The following BNC2 variants were observed in gnomAD, a reference collection of about 807,000 sequenced individuals.
The protein encoded by BNC2 is basonuclin zinc finger protein 2.
A neutral mutation model predicts 76.3 loss-of-function variants in BNC2; 20 were observed. The observed-to-expected ratio is 0.26, with a 90% CI of 0.18 to 0.38. BNC2 has a LOEUF of 0.38. Among genes scored for constraint, BNC2 ranks in the 10% least tolerant of loss-of-function variants. The pLI is 1.00. For synonymous variants in BNC2, 582 were observed against 514.8 expected (o/e 1.13, Z -1.77); for missense variants, 1,382 against 1,399.8 (o/e 0.99, Z 0.20).
intron 1 of BNC2, among the ~76,000 whole-genome samples, chr9:16,862,823 G>C (rs1220459131): frequency 6.6e-6 from 1 of 151,974 alleles, no homozygotes; most frequent in African/African-American, 2.4e-5. Context: ...TTAGAAAAAG[G>C]AATGTTAAGA....
intron 1 of BNC2, among the ~76,000 whole-genome samples, chr9:16,799,651 G>A (rs1397263595): frequency 6.6e-6 from 1 of 152,056 alleles, no homozygotes; most frequent in South Asian, 2.1e-4. Flanking sequence ...TGTATTTACA[G>A]AACTAACTCA....
chr9:16,502,725 C>T (rs1587105278), intron 5 of BNC2, among the ~76,000 whole-genome samples: 1 of 152,140 alleles, frequency 6.6e-6, no homozygotes, highest in Non-Finnish European at 1.5e-5. Context: ...GAAAATCATA[C>T]TTTACATAAA....
intron 3 of BNC2, among the ~76,000 whole-genome samples, chr9:16,623,262 C>T (rs1302709314): frequency 6.6e-6 from 1 of 152,044 alleles, no homozygotes; most frequent in African/African-American, 2.4e-5. Context: ...GCATACAAGA[C>T]TCAGGACTTA....
chr9:16,777,083 G>A (rs545046131), intron 1 of BNC2, among the ~76,000 whole-genome samples: 75 of 151,678 alleles, frequency 4.9e-4, no homozygotes, highest in African/African-American at 1.7e-3. Context: ...CCGAGATGGC[G>A]CCACTACACT....
chr9:16,428,326 G>A (rs1324015086), intron 6 of BNC2, among the ~76,000 whole-genome samples: 3 of 152,134 alleles, frequency 2.0e-5, no homozygotes, highest in African/African-American at 7.2e-5. Context: ...CCCCTCCACT[G>A]CCCATCAGAC....
At chr9:16,460,583 G>A (rs1423608338) in intron 5 of BNC2, among the ~76,000 whole-genome samples, 2 of 152,052 alleles carry the variant, frequency 1.3e-5, no homozygotes, top group Admixed American at 1.3e-4. Flanking sequence ...AGATCATGCC[G>A]CTGCACTCTA....
intron 1 of BNC2, among the ~76,000 whole-genome samples, chr9:16,791,130 C>T (rs1817494735): frequency 6.6e-6 from 1 of 151,886 alleles, no homozygotes; most frequent in South Asian, 2.1e-4. Context: ...GGCATGATCT[C>T]GGCTCACTGT....
At chr9:16,787,325 G>A (rs1021590142) in intron 1 of BNC2, among the ~76,000 whole-genome samples, 3 of 152,144 alleles carry the variant, frequency 2.0e-5, no homozygotes, top group African/African-American at 7.2e-5. Context: ...AATGAAGAAC[G>A]GGGAAACAAA....
chr9:16,464,111 A>T (rs867038887), intron 5 of BNC2, among the ~76,000 whole-genome samples: 1 of 151,832 alleles, frequency 6.6e-6, no homozygotes, highest in African/African-American at 2.4e-5. Context: ...AAAAAAAAAA[A>T]AAGAAAGAAG....
In BNC2 at chr9:16,832,783, T is replaced by C. The variant is rs559368476; in HGVS notation, c.3+37863A>G. On this transcript the variant is annotated intron_variant, in intron 1 of 6. Transcript: ENST00000380672. ...GCTCTGTCACCAGGCCGGAGTGCAG[T>C]GGCGCGATCTCGGCTTACTGCAACC... Among the ~76,000 whole-genome samples the C allele has an allele frequency of 3.3e-5, 5 of 152,126 alleles. 1 individual carries two copies. In the South Asian group the frequency reaches 8.3e-4, roughly 25 times the overall value.
At chr9:16,806,546 G>A (rs957724723) in intron 1 of BNC2, among the ~76,000 whole-genome samples, 3 of 152,170 alleles carry the variant, frequency 2.0e-5, no homozygotes, top group African/African-American at 7.2e-5. Flanking sequence ...CATAAGTAAA[G>A]TGTTGCTTTT....
chr9:16,422,855 C>G (rs1340330515), intron 6 of BNC2, among the ~76,000 whole-genome samples: 1 of 152,166 alleles, frequency 6.6e-6, no homozygotes, highest in Non-Finnish European at 1.5e-5. Context: ...TCAGTCAATC[C>G]AGACCATTAG....
chr9:16,758,708 G>A (rs571290718), intron 1 of BNC2, among the ~76,000 whole-genome samples: 6 of 152,068 alleles, frequency 3.9e-5, no homozygotes, highest in Non-Finnish European at 7.4e-5. Context: ...TTATTCTATT[G>A]ACCGCACAAG....
intron 3 of BNC2, among the ~76,000 whole-genome samples, chr9:16,615,808 C>G (rs1208815292): frequency 6.6e-6 from 1 of 152,014 alleles, no homozygotes; most frequent in African/African-American, 2.4e-5. Context: ...TTTTCTTCCT[C>G]TATAATGTAA....
In BNC2 at chr9:16,665,386, A is replaced by AAAGAG. The variant is rs1554702315; in HGVS notation, c.330+62410_330+62411insCTCTT. Among the ~76,000 whole-genome samples the AAAGAG allele has an allele frequency of 9.0e-4, 76 of 84,272 alleles. 6 individuals carry two copies. Among genetic ancestry groups the AAAGAG allele is most frequent in the Middle Eastern group, 7.9e-3 (1 of 126 alleles). 55.3% of individuals were successfully genotyped at this position (84,272 alleles called of 152,430 possible). A position where few individuals can be genotyped will look rare whatever the true frequency, so the allele number is the denominator to read the frequency against. On this transcript the variant is annotated intron_variant, in intron 3 of 6. Transcript: ENST00000380672. ...CCTCTGTCTCAAAAAAAAAAAAAAA[A>AAAGAG]AGAGAGAGAGAGAGAGAAAGAGAGA...
chr9:16,505,539 C>G (rs1394212835), intron 5 of BNC2, among the ~76,000 whole-genome samples: 1 of 152,038 alleles, frequency 6.6e-6, no homozygotes, highest in Non-Finnish European at 1.5e-5. Flanking sequence ...GAAAACTCTG[C>G]CTGGAGGGAG....
intron 1 of BNC2, among the ~76,000 whole-genome samples, chr9:16,844,687 C>T (rs975352637): frequency 1.3e-5 from 2 of 151,878 alleles, no homozygotes; most frequent in East Asian, 1.9e-4. Context: ...TTAGTAGAGA[C>T]GGGTTTTCAC....
intron 1 of BNC2, among the ~76,000 whole-genome samples, chr9:16,792,829 G>C (rs907043663): frequency 7.2e-5 from 11 of 152,204 alleles, no homozygotes; most frequent in African/African-American, 2.7e-4. Context: ...GTTTGCTGAG[G>C]TCTGATTTCA....
At chr9:16,749,957 C>T (rs188266466) in intron 1 of BNC2, among the ~76,000 whole-genome samples, 132 of 152,220 alleles carry the variant, frequency 8.7e-4, no homozygotes, top group African/African-American at 3.0e-3. Context: ...TCCCCTAGAA[C>T]ATAAGCTCTA....
Sources: allele counts gnomAD v4.1 joint callset (sites outside exome capture counted in the v4.1 genomes callset), GRCh38; gene constraint gnomAD v4.1.1; transcripts MANE v1.5; gene names NCBI Gene and HGNC (gene_info 2026-07-23, HGNC 2026-07-21).